The following SOX5 variants were observed in gnomAD, a reference collection of about 807,000 sequenced individuals.
SOX5 encodes transcription factor SOX-5.
Under a neutral mutation model 92.0 loss-of-function variants are expected in SOX5, and 9 were observed. The ratio of observed to expected loss-of-function variants is 0.10; its 90% CI spans 0.06 to 0.17. The LOEUF (loss-of-function observed/expected upper bound fraction) is 0.17. Among genes scored for constraint, SOX5 ranks in the 10% least tolerant of loss-of-function variants. The pLI is 1.00. For synonymous variants in SOX5, 344 were observed against 336.3 expected (o/e 1.02, Z -0.25); for missense variants, 642 against 944.5 (o/e 0.68, Z 4.20).
intron 6 of SOX5, among the ~76,000 whole-genome samples, chr12:23,704,230 A>G (rs954599306): frequency 1.3e-5 from 2 of 151,772 alleles, no homozygotes; most frequent in Admixed American, 6.6e-5. Context: ...ACATTATTTC[A>G]TAATTATTAT....
chr12:24,511,830 T>C (rs894983327), intron 1 of SOX5, among the ~76,000 whole-genome samples: 12 of 151,672 alleles, frequency 7.9e-5, no homozygotes, highest in Middle Eastern at 6.8e-3. Flanking sequence ...TGGTGGCGGG[T>C]GCCTGTAGTC....
chr12:24,129,766 G>A (rs1670939352), intron 4 of SOX5, among the ~76,000 whole-genome samples: 1 of 152,194 alleles, frequency 6.6e-6, no homozygotes, highest in Admixed American at 6.5e-5. Context: ...CTTATATCAA[G>A]GGAGACACAT....
At chr12:23,879,897 G>A (rs1160026851) in intron 2 of SOX5, among the ~76,000 whole-genome samples, 1 of 152,146 alleles carries the variant, frequency 6.6e-6, no homozygotes, top group African/African-American at 2.4e-5. Flanking sequence ...AAGTGGTCAA[G>A]AGCAGTAGGT....
At position 23,870,885 on chromosome 12, in the gene SOX5, T is replaced by C. The variant is rs150368419; in HGVS notation, c.271-24692A>G. On this transcript the variant is annotated intron_variant, in intron 2 of 14. Coordinates refer to ENST00000451604, the MANE Select transcript of SOX5 (RefSeq NM_006940.6). ...TGTAGTTTTTTTTCTTCTTCTTCAA[T>C]AGTTCTGCATAAATGAGACACTTCA... 2.2e-4 allele frequency among the ~76,000 whole-genome samples: 34 copies of C among 152,252 alleles called. No individual in the cohort carries two copies. In the East Asian group the frequency reaches 6.4e-3, roughly 29 times the overall value.
intron 1 of SOX5, among the ~76,000 whole-genome samples, chr12:24,529,071 A>T (rs368691170): frequency 3.3e-5 from 5 of 152,240 alleles, no homozygotes; most frequent in Non-Finnish European, 7.3e-5. Flanking sequence ...AAGAGAAAAG[A>T]AATGAAGTAA....
chr12:24,387,434 C>G (rs1958535068), intron 1 of SOX5, among the ~76,000 whole-genome samples: 1 of 152,094 alleles, frequency 6.6e-6, no homozygotes, highest in African/African-American at 2.4e-5. Flanking sequence ...TCTTCGTTTT[C>G]CAGTATGACC....
chr12:24,522,006 A>AT (rs1265655622), intron 1 of SOX5, among the ~76,000 whole-genome samples: 2 of 151,884 alleles, frequency 1.3e-5, no homozygotes, highest in African/African-American at 2.4e-5. Context: ...AAAAGAGCTG[A>AT]TTTTTTTGAA....
chr12:24,310,226 T>C (rs1949040767), intron 2 of SOX5, among the ~76,000 whole-genome samples: 1 of 152,162 alleles, frequency 6.6e-6, no homozygotes, highest in South Asian at 2.1e-4. Context: ...GTCACTTTGG[T>C]TTCTCAGGTG....
chr12:23,902,030 G>T (rs2097239229), intron 1 of SOX5, among the ~76,000 whole-genome samples: 1 of 152,104 alleles, frequency 6.6e-6, no homozygotes, highest in African/African-American at 2.4e-5. Context: ...AGTTAAAAAT[G>T]TTATCTTTAT....
intron 4 of SOX5, among the ~76,000 whole-genome samples, chr12:23,972,888 A>T (rs956964139): frequency 6.6e-6 from 1 of 152,120 alleles, no homozygotes; most frequent in Non-Finnish European, 1.5e-5. Context: ...ACCACCATGC[A>T]GTGCAATAGA....
chr12:23,952,897 C>G (rs1945838896), upstream of SOX5, among the ~76,000 whole-genome samples: 1 of 152,098 alleles, frequency 6.6e-6, no homozygotes, highest in African/African-American at 2.4e-5. Context: ...GAAGCCACTT[C>G]TATCTATTTC....
intron 4 of SOX5, among the ~76,000 whole-genome samples, chr12:23,985,921 C>A (rs761064598): frequency 3.9e-5 from 6 of 152,002 alleles, no homozygotes; most frequent in Non-Finnish European, 8.8e-5. Context: ...CTCACGGTCC[C>A]CTTCAGTGTT....
At chr12:24,372,420 G>A (rs1956831959) in intron 1 of SOX5, among the ~76,000 whole-genome samples, 1 of 152,148 alleles carries the variant, frequency 6.6e-6, no homozygotes, top group African/African-American at 2.4e-5. Flanking sequence ...TGCTAAGAAT[G>A]ATGGTTTCCA....
chr12:24,051,440 T>C (rs188295527), intron 4 of SOX5, among the ~76,000 whole-genome samples: 135 of 152,196 alleles, frequency 8.9e-4, no homozygotes, highest in Non-Finnish European at 9.4e-4. Flanking sequence ...AAGAAAATCA[T>C]AGCAAGTCAA....
chr12:24,102,541 G>A (rs943273739), intron 4 of SOX5, among the ~76,000 whole-genome samples: 1 of 152,164 alleles, frequency 6.6e-6, no homozygotes, highest in Non-Finnish European at 1.5e-5. Context: ...GGTATATTCA[G>A]TTGTTAGATT....
At chr12:24,289,611 G>A (rs922152543) in intron 2 of SOX5, among the ~76,000 whole-genome samples, 2 of 143,564 alleles carry the variant, frequency 1.4e-5, no homozygotes, top group Non-Finnish European at 3.0e-5. Flanking sequence ...CCGCCACTAC[G>A]CCCGGCTAAT....
chr12:23,741,600 A>G (rs1308688347), intron 4 of SOX5, among the ~76,000 whole-genome samples: 1 of 152,196 alleles, frequency 6.6e-6, no homozygotes, highest in Non-Finnish European at 1.5e-5. Context: ...AAAGTTGAAG[A>G]TTCAGAATTC....
chr12:24,550,974 G>T (rs1158059969), intron 1 of SOX5, among the ~76,000 whole-genome samples: 1 of 152,118 alleles, frequency 6.6e-6, no homozygotes, highest in East Asian at 1.9e-4. Flanking sequence ...ATATTTTTCA[G>T]ATCAAATGAG....
chr12:24,012,072 G>T (rs1953007863), intron 4 of SOX5, among the ~76,000 whole-genome samples: 1 of 151,908 alleles, frequency 6.6e-6, no homozygotes, highest in Non-Finnish European at 1.5e-5. Context: ...TTTTGTAATT[G>T]CATACTAATA....
Sources: gnomAD v4.1 joint callset for allele counts (sites outside exome capture counted in the v4.1 genomes callset) on GRCh38, gnomAD v4.1.1 for gene constraint, MANE v1.5 for transcripts, NCBI Gene and HGNC (gene_info 2026-07-23, HGNC 2026-07-21) for gene names.